ARHGEF33: variants seen among roughly 807,000 people sequenced by gnomAD.
The protein encoded by ARHGEF33 is Rho guanine nucleotide exchange factor 33, also known as DH and coiled-coil domain-containing protein ENSP00000381780.
A neutral mutation model predicts 101.9 loss-of-function variants in ARHGEF33; 72 were observed. That is an observed-to-expected ratio of 0.71 (90% CI 0.58 to 0.86). The LOEUF (loss-of-function observed/expected upper bound fraction) is 0.86, where lower values mean the gene tolerates loss of function less well. ARHGEF33 is among the 40% of genes least tolerant of loss of function. ARHGEF33 has a pLI of 0.00. For missense variants in ARHGEF33, 1,169 were observed against 1,111.3 expected (o/e 1.05, Z -0.74); for synonymous variants, 499 against 442.5 (o/e 1.13, Z -1.60).
At chr2:38,909,979 T>C (rs1333887137) in intron 2 of ARHGEF33, among the ~76,000 whole-genome samples, 1 of 152,088 alleles carries the variant, frequency 6.6e-6, no homozygotes, top group Non-Finnish European at 1.5e-5. Flanking sequence ...CGTATAGTTA[T>C]TTTTTTATTT....
intron 2 of ARHGEF33, among the ~76,000 whole-genome samples, chr2:38,896,916 T>C (rs1666134573): frequency 6.6e-6 from 1 of 152,134 alleles, no homozygotes; most frequent in African/African-American, 2.4e-5. Context: ...CGGCATACTT[T>C]TCTTTTTTTC....
chr2:38,959,487 G>T (rs547611775), intron 15 of ARHGEF33: 93 of 202,018 alleles, frequency 4.6e-4, no homozygotes, highest in African/African-American at 1.9e-3. Flanking sequence ...CCATTATTCC[G>T]TATGACTCTG....
At chr2:38,905,743 C>A (rs1267277005) in intron 2 of ARHGEF33, among the ~76,000 whole-genome samples, 3 of 152,154 alleles carry the variant, frequency 2.0e-5, no homozygotes, top group Admixed American at 6.5e-5. Context: ...CTCTGAAGAG[C>A]ATTAAAGGCA....
At chr2:38,912,210 G>T (rs1381765975) in intron 2 of ARHGEF33, among the ~76,000 whole-genome samples, 1 of 152,232 alleles carries the variant, frequency 6.6e-6, no homozygotes, top group Non-Finnish European at 1.5e-5. Flanking sequence ...GAAGGTCAGG[G>T]AGGAATAGGA....
rs1442576327 is a variant in ARHGEF33, at chr2:38,937,331, C to G, written c.566-4C>G. 6.9e-6 allele frequency: 4 copies of G among 581,602 alleles called. No individual in the cohort carries two copies. The highest frequency in any genetic ancestry group is 6.6e-5 in the South Asian group (4 of 60,312). The allele number at this position is 581,602 out of a possible 1,614,324, so 36.0% of individuals were successfully genotyped here. On this transcript the variant is annotated splice_region_variant and splice_polypyrimidine_tract_variant and intron_variant, in intron 8 of 17. Transcript: ENST00000409978. Reference sequence around the variant, plus strand: ...TTTCCCCGCCCCTCCCCCCACCCCACCAGGAGTGAACCCAACAACTCCAGA... The same window carrying G: ...TTTCCCCGCCCCTCCCCCCACCCCAGCAGGAGTGAACCCAACAACTCCAGA...
chr2:38,943,188 A>G (rs946664357), intron 9 of ARHGEF33, among the ~76,000 whole-genome samples: 2 of 152,186 alleles, frequency 1.3e-5, no homozygotes, highest in African/African-American at 4.8e-5. Flanking sequence ...TTGGCCTCCC[A>G]AAGTGCTAGG....
At chr2:38,935,931 C>A in intron 8 of ARHGEF33, 97 bp downstream of exon 8, 2 of 972,874 alleles carry the variant, frequency 2.1e-6, no homozygotes, top group Non-Finnish European at 3.1e-6. Flanking sequence ...TCAAACCAGG[C>A]ATGAAAGAAC....
rs1667687716 is a variant in ARHGEF33 at position 38,954,354 on chromosome 2, T to A, written c.1138-19T>A. The A allele has an allele frequency of 6.8e-7, 1 of 1,480,854 alleles. No individual in the cohort carries two copies. The highest frequency in any genetic ancestry group is 2.0e-5 in the Admixed American group (1 of 50,872). The allele number at this position is 1,480,854 out of a possible 1,614,324, so 91.7% of individuals were successfully genotyped here. On this transcript the variant is annotated intron_variant, in intron 12 of 17. Transcript: ENST00000409978. ...GCTGGAGGAACACTGAAGAGTAACTTGACCTTTCTTTCATTCAGGGTGATG... is the reference window on the plus strand; with the variant it reads ...GCTGGAGGAACACTGAAGAGTAACTAGACCTTTCTTTCATTCAGGGTGATG...
At chr2:38,911,588 TA>T (rs1410138906) in intron 2 of ARHGEF33, among the ~76,000 whole-genome samples, 1 of 152,162 alleles carries the variant, frequency 6.6e-6, no homozygotes, top group Admixed American at 6.5e-5. Context: ...ACTTATTATT[TA>T]AAAAAATTTT....
At chr2:38,958,934 G>A (rs558947542) in intron 15 of ARHGEF33, among the ~76,000 whole-genome samples, 5 of 152,184 alleles carry the variant, frequency 3.3e-5, no homozygotes, top group East Asian at 3.9e-4. Context: ...TAGTAGAGAC[G>A]GGGTTTTACC....
Position 38,953,174 on chromosome 2 carries a change from G to C in ARHGEF33, c.1066G>C (p.Asp356His). The stretch of plus-strand genomic sequence containing the variant: ...GTTTGTTTTAAAGAATAATTTCTTG[G>C]ATTATTATGTTGCCTACCTAAGGGA... ...KLTNDENNFLDYYVAYLRDLP... is the reference protein window; with the variant it reads ...KLTNDENNFLHYYVAYLRDLP... The change falls in exon 12 of 18, where the codon GAT (aspartate) becomes CAT (histidine). Residue 356 changes from aspartate to histidine, a missense_variant. Physicochemically the swap from Asp to His is moderately conservative, Grantham distance 81. Transcript: ENST00000409978. The C allele has an allele frequency of 6.6e-7, 1 of 1,505,900 alleles. No homozygotes were observed. The highest frequency in any genetic ancestry group is 9.0e-7 in the Non-Finnish European group (1 of 1,105,022). The allele number at this position is 1,505,900 out of a possible 1,614,324, so 93.3% of individuals were successfully genotyped here.
chr2:38,961,023 CT>C (rs554681163), intron 16 of ARHGEF33, among the ~76,000 whole-genome samples: 1 of 152,038 alleles, frequency 6.6e-6, no homozygotes, highest in Admixed American at 6.5e-5. Flanking sequence ...AAGAGTTGCA[CT>C]TTTTTCAGAG....
At chr2:38,916,328 A>G (rs1165623459) in intron 2 of ARHGEF33, among the ~76,000 whole-genome samples, 2 of 152,218 alleles carry the variant, frequency 1.3e-5, no homozygotes, top group African/African-American at 4.8e-5. Context: ...TGGGCAGGCC[A>G]CTTCTCTTCC....
Position 38,960,087 on chromosome 2 carries a change from C to G in ARHGEF33, c.1782C>G (p.Ser594=). The G allele has an allele frequency of 6.5e-7, 1 of 1,541,826 alleles. No homozygotes were observed. Among genetic ancestry groups the G allele is most frequent in the Non-Finnish European group, 8.7e-7 (1 of 1,144,316 alleles). Residue 594 remains serine, a synonymous_variant, in exon 16 of 18, where the codon TCC becomes TCG. Coordinates refer to ENST00000409978, the MANE Select transcript of ARHGEF33 (RefSeq NM_001145451.5). The part of the protein sequence containing the change: ...PAEPLGNVER[S]LRAPAELLPD... ...AGCCGCTGGGCAACGTGGAGCGCTC[C>G]CTGCGCGCCCCGGCCGAGCTCCTGC...
rs111347541 is a variant in ARHGEF33 at position 38,937,088 on chromosome 2, G to C, written c.566-247G>C. 1.1e-4 allele frequency: 34 copies of C among 303,292 alleles called. 1 individual carries two copies. The East Asian group carries it at 2.1e-3, about 19-fold the overall frequency. 18.8% of individuals were successfully genotyped at this position (303,292 alleles called of 1,614,324 possible). ...CGGCTCACTGCAACCTCTGCCTCCT[G>C]GGTTCAAGCGATTCTCCTGCCTCAG... On this transcript the variant is annotated intron_variant, in intron 8 of 17. Transcript: ENST00000409978.
intron 1 of ARHGEF33, among the ~76,000 whole-genome samples, chr2:38,891,882 T>C (rs922519186): frequency 1.3e-5 from 2 of 152,098 alleles, no homozygotes; most frequent in African/African-American, 4.8e-5. Flanking sequence ...AAACCCTCAT[T>C]ATGTTATTTG....
intron 2 of ARHGEF33, among the ~76,000 whole-genome samples, chr2:38,917,102 C>CTTTTTTTTT (rs371044814): frequency 7.7e-6 from 1 of 129,324 alleles, no homozygotes; most frequent in Non-Finnish European, 1.6e-5. Flanking sequence ...AACCGGTCTT[C>CTTTTTTTTT]TTTTTTTGAG....
intron 9 of ARHGEF33, 49 bp from the exon 10 acceptor site, chr2:38,943,852 T>G: frequency 6.5e-7 from 1 of 1,528,588 alleles, no homozygotes. Context: ...TTAATGGGAT[T>G]TTAGGAAGAA....
intron 8 of ARHGEF33, 153 bp from the exon 9 acceptor site, chr2:38,937,182 G>A (rs575315499): frequency 2.4e-5 from 14 of 584,938 alleles, no homozygotes; most frequent in African/African-American, 2.2e-4. Context: ...TTTTAGTAGA[G>A]ACAGGGTTTC....
Sources: gnomAD v4.1 joint callset for allele counts (sites outside exome capture counted in the v4.1 genomes callset) on GRCh38, gnomAD v4.1.1 for gene constraint, MANE v1.5 for transcripts, NCBI Gene and HGNC (gene_info 2026-07-23, HGNC 2026-07-21) for gene names.